RAB3IL1: variants seen among roughly 807,000 people sequenced by gnomAD.
RAB3IL1 encodes guanine nucleotide exchange factor for Rab-3A.
RAB3IL1 carries 37 observed loss-of-function variants against 49.2 expected under a neutral mutation model. The observed-to-expected ratio is 0.75, with a 90% confidence interval of 0.58 to 0.99. The LOEUF (loss-of-function observed/expected upper bound fraction) is 0.99, where lower values mean the gene tolerates loss of function less well. Among genes scored for constraint, RAB3IL1 ranks in the 50% least tolerant of loss-of-function variants. RAB3IL1 has a pLI of 0.00. For synonymous variants in RAB3IL1, 193 were observed against 213.9 expected (o/e 0.90, Z 0.85); for missense variants, 484 against 513.0 (o/e 0.94, Z 0.55).
chr11:61,915,428 A>G (rs1467670572), intron 1 of RAB3IL1, among the ~76,000 whole-genome samples: 3 of 152,114 alleles, frequency 2.0e-5, no homozygotes, highest in East Asian at 1.9e-4. Flanking sequence ...AGGGAAGGAC[A>G]TTCTCTGACC....
chr11:61,939,643 G>A, the RAB3IL1 span, among the ~76,000 whole-genome samples: 2 of 149,532 alleles, frequency 1.3e-5, no homozygotes, highest in Admixed American at 1.3e-4. Flanking sequence ...AAAAAAAAAA[G>A]AAGACTCAAA....
Position 61,904,471 on chromosome 11 carries a change from C to T in RAB3IL1, c.899+75G>A, listed in dbSNP as rs151259505. The T allele has an allele frequency of 1.0e-4, 140 of 1,388,378 alleles. No homozygotes were observed. The African/African-American group carries it at 1.9e-3, about 19-fold the overall frequency. The allele number at this position is 1,388,378 out of a possible 1,614,324, so 86.0% of individuals were successfully genotyped here. Reference sequence around the variant, plus strand: ...GTCGGCGCTGCTGCATCCTGACCACCCCTCGGCACAGTAAACACACGGCTT... The same window carrying T: ...GTCGGCGCTGCTGCATCCTGACCACTCCTCGGCACAGTAAACACACGGCTT... On this transcript the variant is annotated intron_variant, in intron 7 of 9. Coordinates refer to ENST00000394836, the MANE Select transcript of RAB3IL1 (RefSeq NM_013401.4).
In RAB3IL1 at chr11:61,898,239, G is replaced by A. The variant is rs773196794; in HGVS notation, c.*39C>T. 14 of 1,586,102 alleles carry A rather than the reference G, an allele frequency of 8.8e-6. No homozygotes were observed. Among genetic ancestry groups the A allele is most frequent in the Middle Eastern group, 3.3e-4 (2 of 6,012 alleles). On this transcript the variant is annotated 3_prime_UTR_variant, in exon 10 of 10. Coordinates refer to ENST00000394836, the MANE Select transcript of RAB3IL1 (RefSeq NM_013401.4). The surrounding 1 kb of genome is among the most constrained non-coding windows in gnomAD (Gnocchi z 5.1). ...TCGGCTTGTTCTGGGGTGGGTGTTTGCTCTGTCTCAGAGCTCCCCTTCAGG... is the reference window on the plus strand; with the variant it reads ...TCGGCTTGTTCTGGGGTGGGTGTTTACTCTGTCTCAGAGCTCCCCTTCAGG...
intron 1 of RAB3IL1, among the ~76,000 whole-genome samples, chr11:61,914,623 G>A (rs1440950269): frequency 6.6e-6 from 1 of 152,242 alleles, no homozygotes; most frequent in African/African-American, 2.4e-5. Context: ...GGAGTTCAGG[G>A]CCCATGCTCA....
chr11:61,899,424 T>G (rs1938789425), intron 8 of RAB3IL1, 44 bp from the exon 9 acceptor site: 3 of 1,579,844 alleles, frequency 1.9e-6, no homozygotes, highest in Non-Finnish European at 2.6e-6. Context: ...AGCCCCACGC[T>G]GGGGGTCCCC....
chr11:61,933,778 C>T, the RAB3IL1 span, among the ~76,000 whole-genome samples: 5 of 151,936 alleles, frequency 3.3e-5, no homozygotes, highest in Non-Finnish European at 5.9e-5. Flanking sequence ...AACCCTGTCT[C>T]TACTAAAAAT....
At chr11:61,903,309 T>C (rs914324339) in intron 7 of RAB3IL1, among the ~76,000 whole-genome samples, 3 of 152,118 alleles carry the variant, frequency 2.0e-5, no homozygotes, top group East Asian at 3.9e-4. Flanking sequence ...CTCTCTTTCT[T>C]CTCCACATCA....
chr11:61,922,591 G>A (rs1009651576), upstream of RAB3IL1, among the ~76,000 whole-genome samples: 1 of 133,812 alleles, frequency 7.5e-6, no homozygotes, highest in African/African-American at 2.6e-5. Context: ...TGAAAGAAGT[G>A]TTTCCTTCCT....
At chr11:61,919,910 G>T, upstream of RAB3IL1, 1 of 563,502 alleles carries the variant, frequency 1.8e-6, no homozygotes, top group Non-Finnish European at 2.7e-6. Flanking sequence ...CTCCACCTCT[G>T]TACAGCCACC....
At chr11:61,930,760 C>A in the RAB3IL1 span, among the ~76,000 whole-genome samples, 1 of 152,154 alleles carries the variant, frequency 6.6e-6, no homozygotes, top group African/African-American at 2.4e-5. Context: ...CTGGGCAACA[C>A]AGCAAGACCC....
At chr11:61,942,469 A>T in the RAB3IL1 span, among the ~76,000 whole-genome samples, 1 of 134,286 alleles carries the variant, frequency 7.4e-6, no homozygotes, top group Non-Finnish European at 1.6e-5. Context: ...AAATAAATTA[A>T]AAAACAAACA....
At chr11:61,902,668 C>T (rs1292381154) in intron 7 of RAB3IL1, 127 bp from the exon 8 acceptor site, 5 of 866,710 alleles carry the variant, frequency 5.8e-6, no homozygotes, top group Non-Finnish European at 8.9e-6. Flanking sequence ...TTCCCCCACC[C>T]GGCTTCCAAA....
the RAB3IL1 span, among the ~76,000 whole-genome samples, chr11:61,944,056 G>T: frequency 1.3e-5 from 2 of 152,024 alleles, no homozygotes; most frequent in Non-Finnish European, 2.9e-5. Flanking sequence ...AGGCATACAT[G>T]AATCTTCCTC....
At chr11:61,941,595 A>C in the RAB3IL1 span, among the ~76,000 whole-genome samples, 1 of 152,134 alleles carries the variant, frequency 6.6e-6, no homozygotes, top group South Asian at 2.1e-4. Flanking sequence ...TACTAAAAAT[A>C]CAAAAAATTA....
Position 61,898,030 on chromosome 11 carries a change from C to A in RAB3IL1, c.*248G>T, listed in dbSNP as rs1379210853. 2.0e-6 allele frequency: 1 copy of A among 489,800 alleles called. No homozygotes were observed. The highest frequency in any genetic ancestry group is 2.0e-5 in the African/African-American group (1 of 50,252). 30.3% of individuals were successfully genotyped at this position (489,800 alleles called of 1,614,324 possible). On this transcript the variant is annotated 3_prime_UTR_variant, in exon 10 of 10. Transcript: ENST00000394836. The surrounding 1 kb of genome is among the most constrained non-coding windows in gnomAD (Gnocchi z 5.1). ...CGAGCTCCCTGGTCTTTGGTGCTTT[C>A]TTGAAATCCTCCTGGTGGTGGCAGA...
At chr11:61,910,264 C>T (rs1394562938) in intron 1 of RAB3IL1, among the ~76,000 whole-genome samples, 1 of 152,186 alleles carries the variant, frequency 6.6e-6, no homozygotes, top group Non-Finnish European at 1.5e-5. Context: ...CAAGATAAAG[C>T]GCTGCTGGGC....
At chr11:61,912,211 G>A (rs542343311) in intron 1 of RAB3IL1, among the ~76,000 whole-genome samples, 1 of 152,324 alleles carries the variant, frequency 6.6e-6, no homozygotes, top group Admixed American at 6.5e-5. Flanking sequence ...CCAGGGCCCA[G>A]GCCTCTAGGG....
chr11:61,918,133 TCCCCA>T (rs1374489196), upstream of RAB3IL1, among the ~76,000 whole-genome samples: 2 of 152,000 alleles, frequency 1.3e-5, no homozygotes, highest in East Asian at 3.9e-4. Flanking sequence ...TGGATAGTAT[TCCCCA>T]CCCCACCCCC....
At chr11:61,899,039 C>T in intron 9 of RAB3IL1, 2 of 555,136 alleles carry the variant, frequency 3.6e-6, no homozygotes, top group Non-Finnish European at 6.7e-6. Context: ...GAGGGGCCAC[C>T]ACCTCCAGGG....
Sources: gnomAD v4.1 joint callset for allele counts (sites outside exome capture counted in the v4.1 genomes callset) on GRCh38, gnomAD v4.1.1 for gene constraint, Gnocchi (gnomAD v3.1) non-coding constraint, MANE v1.5 for transcripts, NCBI Gene and HGNC (gene_info 2026-07-23, HGNC 2026-07-21) for gene names.